Variants in SCN2A observed in about 807,000 individuals in gnomAD.
SCN2A encodes sodium voltage-gated channel alpha subunit 2, also known as sodium channel protein type 2 subunit alpha.
In SCN2A, 20 loss-of-function variants were observed where a neutral mutation model predicts 188.7. The ratio of observed to expected loss-of-function variants is 0.11; its 90% CI spans 0.07 to 0.15. The LOEUF is 0.15. Ranked by LOEUF, SCN2A falls within the 10% of genes least tolerant of loss-of-function variation. The probability of loss-of-function intolerance (pLI) is 1.00; values close to 1 mark genes in which losing one functional copy is unlikely to be tolerated. For synonymous variants in SCN2A, 804 were observed against 833.1 expected (o/e 0.97, Z 0.60); for missense variants, 1,278 against 2,445.0 (o/e 0.52, Z 10.07).
intron 15 of SCN2A, among the ~76,000 whole-genome samples, chr2:165,343,969 T>C (rs1454281215): frequency 6.6e-6 from 1 of 152,168 alleles, no homozygotes; most frequent in Admixed American, 6.6e-5. Flanking sequence ...AGTGTTGATA[T>C]TATTCTCACC....
intron 14 of SCN2A, among the ~76,000 whole-genome samples, chr2:165,336,548 A>C (rs1699002235): frequency 6.6e-6 from 1 of 151,982 alleles, no homozygotes; most frequent in Non-Finnish European, 1.5e-5. Flanking sequence ...TAGAGACAGA[A>C]AGGAGATGAG....
intron 17 of SCN2A, among the ~76,000 whole-genome samples, chr2:165,355,586 C>G (rs1700137287): frequency 6.6e-6 from 1 of 152,046 alleles, no homozygotes; most frequent in Non-Finnish European, 1.5e-5. Context: ...TCGTTCCTTC[C>G]TCATACGAAC....
At chr2:165,305,495 T>C (rs1040099281) in intron 3 of SCN2A, among the ~76,000 whole-genome samples, 2 of 152,278 alleles carry the variant, frequency 1.3e-5, no homozygotes, top group African/African-American at 4.8e-5. Context: ...GTAGATGGCT[T>C]ACATACCTTA....
At chr2:165,370,077 T>G in intron 19 of SCN2A, 49 bp from the exon 20 acceptor site, 1 of 1,521,592 alleles carries the variant, frequency 6.6e-7, no homozygotes, top group Non-Finnish European at 9.1e-7. Context: ...AATCATCAAT[T>G]AGAGACTGTT....
At position 165,390,803 on chromosome 2, in the gene SCN2A, TC is replaced by T. The variant is rs1702096656; in HGVS notation, c.*983del. ...AGAAGCCTGAATTGACCAAAAAACATCCCCACCACCACTTTATAAAGTTGAT... is the reference window on the plus strand; with the variant it reads ...AGAAGCCTGAATTGACCAAAAAACATCCCACCACCACTTTATAAAGTTGAT... On this transcript the variant is annotated 3_prime_UTR_variant, in exon 27 of 27. Transcript: ENST00000375437. 1 of 152,448 alleles carries T rather than the reference TC, an allele frequency of 6.6e-6. No individual in the cohort carries two copies. Among genetic ancestry groups the T allele is most frequent in the African/African-American group, 2.4e-5 (1 of 41,392 alleles). The allele number at this position is 152,448 out of a possible 1,614,324, so 9.4% of individuals were successfully genotyped here.
At chr2:165,351,545 A>G (rs1699918540) in intron 16 of SCN2A, among the ~76,000 whole-genome samples, 1 of 147,856 alleles carries the variant, frequency 6.8e-6, no homozygotes, top group Admixed American at 6.9e-5. Context: ...CATCACAATT[A>G]GGAGAAAAGA....
Position 165,388,972 on chromosome 2 carries a change from T to C in SCN2A, c.5166T>C (p.Pro1722=), listed in dbSNP as rs760587370. ...TSAGWDGLLA[P]ILNSGPPDCD... ...CTGGCTGGGATGGATTGCTAGCACC[T>C]ATTCTTAATAGTGGACCTCCAGACT... The change falls in exon 27 of 27, where the codon CCT becomes CCC. Residue 1722 remains proline, a synonymous_variant. Transcript: ENST00000375437. 4.3e-6 allele frequency: 7 copies of C among 1,614,010 alleles called. No homozygotes were observed. The African/African-American group carries it at 9.3e-5, about 22-fold the overall frequency.
At chr2:165,358,164 A>G (rs73969380) in intron 17 of SCN2A, among the ~76,000 whole-genome samples, 2,343 of 152,300 alleles carry the variant, frequency 0.015, 57 homozygotes, top group African/African-American at 0.053. Context: ...AGTTTTGAAC[A>G]TATTAGGAGC....
intron 17 of SCN2A, among the ~76,000 whole-genome samples, chr2:165,355,121 TG>T (rs755600600): frequency 2.6e-5 from 4 of 152,224 alleles, no homozygotes; most frequent in Non-Finnish European, 4.4e-5. Context: ...TATTGTATTT[TG>T]TTTGCACAGA....
chr2:165,333,310 G>T (rs1698801331), intron 14 of SCN2A, among the ~76,000 whole-genome samples: 1 of 151,848 alleles, frequency 6.6e-6, no homozygotes, highest in Non-Finnish European at 1.5e-5. Context: ...TGTATCTAAG[G>T]TGAATTATGG....
chr2:165,293,932 T>C (rs368442485), intron 1 of SCN2A: 11 of 973,880 alleles, frequency 1.1e-5, no homozygotes, highest in East Asian at 2.4e-4. Context: ...TTGTAGTCCC[T>C]GTACAGGAAA....
In SCN2A at chr2:165,381,211, AT is replaced by A; in HGVS notation, c.4551+18del. 6.6e-7 allele frequency: 1 copy of A among 1,520,540 alleles called. No homozygotes were observed. The highest frequency in any genetic ancestry group is 9.0e-7 in the Non-Finnish European group (1 of 1,112,016). The allele number at this position is 1,520,540 out of a possible 1,614,324, so 94.2% of individuals were successfully genotyped here. ...CCTCGACCTGCTGTAAGAATAACAT[AT>A]TTTCATTGCCTGTTAAAACTATATT... On this transcript the variant is annotated intron_variant, in intron 25 of 26. Transcript: ENST00000375437.
At chr2:165,327,954 C>G (rs561430984) in intron 13 of SCN2A, 1 of 152,146 alleles carries the variant, frequency 6.6e-6, no homozygotes, top group Non-Finnish European at 1.5e-5. Context: ...CAAACCTTCT[C>G]CCTTGTACCC....
intron 5 of SCN2A, 43 bp from the exon 6 acceptor site, chr2:165,309,309 T>G (rs1293655053): frequency 6.2e-7 from 1 of 1,613,544 alleles, no homozygotes; most frequent in African/African-American, 1.3e-5. Context: ...CAACTGTTTC[T>G]TGTGTTCTGT....
At position 165,389,871 on chromosome 2, in the gene SCN2A, G is replaced by A. The variant is rs377384458; in HGVS notation, c.*47G>A. The stretch of plus-strand genomic sequence containing the variant: ...TTTTGTGATCAATTGTTTACAGCCC[G>A]TGATGGTGATGTGTTTGTGTCAACA... On this transcript the variant is annotated 3_prime_UTR_variant, in exon 27 of 27. Coordinates refer to ENST00000375437, the MANE Select transcript of SCN2A (RefSeq NM_001040142.2). This position sits in a 1 kb window ranked among gnomAD's most constrained non-coding sequence, Gnocchi z 4.2. 3.0e-5 allele frequency: 47 copies of A among 1,547,180 alleles called. No homozygotes were observed. In the East Asian group the frequency reaches 9.8e-4, roughly 32 times the overall value.
At position 165,315,773 on chromosome 2, in the gene SCN2A, T is replaced by G; in HGVS notation, c.1671+15T>G. 3 of 1,607,826 alleles carry G rather than the reference T, an allele frequency of 1.9e-6. No individual in the cohort carries two copies. The Admixed American group carries it at 5.0e-5, about 27-fold the overall frequency. Reference sequence around the variant, plus strand: ...CTCCACACCAGGTAAAAATATTAAATTACATGAATTGTGTTCTCATAAATT... The same window carrying G: ...CTCCACACCAGGTAAAAATATTAAAGTACATGAATTGTGTTCTCATAAATT... On this transcript the variant is annotated intron_variant, in intron 11 of 26. Coordinates refer to ENST00000375437, the MANE Select transcript of SCN2A (RefSeq NM_001040142.2).
chr2:165,386,566 G>C (rs1701884956), intron 25 of SCN2A, among the ~76,000 whole-genome samples, 180 bp from the exon 26 acceptor site: 1 of 152,008 alleles, frequency 6.6e-6, no homozygotes, highest in Admixed American at 6.6e-5. Context: ...CCTAAGGCAA[G>C]TTACCTCAGC....
intron 17 of SCN2A, among the ~76,000 whole-genome samples, chr2:165,355,414 T>A (rs1700129057): frequency 6.6e-6 from 1 of 152,232 alleles, no homozygotes; most frequent in Admixed American, 6.5e-5. Flanking sequence ...ATATATTTTT[T>A]GTTTTGTTTG....
chr2:165,308,980 T>C (rs1697287177), intron 5 of SCN2A, among the ~76,000 whole-genome samples, 186 bp downstream of exon 5: 1 of 152,118 alleles, frequency 6.6e-6, no homozygotes, highest in African/African-American at 2.4e-5. Flanking sequence ...TGGCTTTGGT[T>C]TCAATTAGCA....
Sources: gnomAD v4.1 joint callset for allele counts (sites outside exome capture counted in the v4.1 genomes callset) on GRCh38, gnomAD v4.1.1 for gene constraint, Gnocchi (gnomAD v3.1) non-coding constraint, MANE v1.5 for transcripts, NCBI Gene and HGNC (gene_info 2026-07-23, HGNC 2026-07-21) for gene names.